PPME1: variants seen among roughly 807,000 people sequenced by gnomAD.
The protein encoded by PPME1 is protein phosphatase methylesterase 1, also known as testicular secretory protein Li 39.
In PPME1, 17 loss-of-function variants were observed where a neutral mutation model predicts 56.9. The observed-to-expected ratio is 0.30, with a 90% CI of 0.20 to 0.45. The LOEUF is 0.45. PPME1 is among the 20% of genes least tolerant of loss of function. The probability of loss-of-function intolerance (pLI) is 1.00; values close to 1 mark genes in which losing one functional copy is unlikely to be tolerated. For synonymous variants in PPME1, 122 were observed against 156.2 expected (o/e 0.78, Z 1.63); for missense variants, 357 against 483.2 (o/e 0.74, Z 2.45).
rs1485360656 is a variant in PPME1, at chr11:74,211,492, AT to A, written c.288+7048del. 3.3e-5 allele frequency among the ~76,000 whole-genome samples: 5 copies of A among 152,204 alleles called. No homozygotes were observed. The East Asian group carries it at 9.6e-4, about 29-fold the overall frequency. On this transcript the variant is annotated intron_variant, in intron 3 of 13. Transcript: ENST00000328257. ...ATACACAATGAAAATAACAATGCAAATGGATTAAACAACACAAATGAATTTA... is the reference window on the plus strand; with the variant it reads ...ATACACAATGAAAATAACAATGCAAAGGATTAAACAACACAAATGAATTTA...
rs75826517 is a variant in PPME1, at chr11:74,215,704, C to T, written c.289-6608C>T. Among the ~76,000 whole-genome samples the T allele has an allele frequency of 3.5e-3, 537 of 152,158 alleles. 5 individuals are homozygous for T. Among genetic ancestry groups the T allele is most frequent in the African/African-American group, 0.012 (506 of 41,510 alleles). ...TAGACTAAACTCGCCAATCAAAAGA[C>T]GTGGAGTGGCTGAATGAATACAAAA... On this transcript the variant is annotated intron_variant, in intron 3 of 13. Transcript: ENST00000328257.
At chr11:74,240,515 A>G (rs1591064815) in intron 9 of PPME1, among the ~76,000 whole-genome samples, 1 of 152,222 alleles carries the variant, frequency 6.6e-6, no homozygotes, top group Non-Finnish European at 1.5e-5. Flanking sequence ...AATGGCAGGT[A>G]ATGAACATGT....
intron 1 of PPME1, among the ~76,000 whole-genome samples, chr11:74,191,511 TG>T (rs778949267): frequency 8.5e-5 from 13 of 152,144 alleles, no homozygotes; most frequent in Non-Finnish European, 1.9e-4. Flanking sequence ...TCTAAGACAA[TG>T]GGGGCAAGGT....
Position 74,191,670 on chromosome 11 carries a change from T to A in PPME1, c.102-12058T>A, listed in dbSNP as rs570792196. 4.6e-5 allele frequency among the ~76,000 whole-genome samples: 7 copies of A among 152,334 alleles called. No individual in the cohort carries two copies. The South Asian group carries it at 8.3e-4, about 18-fold the overall frequency. ...CTGCACCTTGTATCCTGGCTACTCA[T>A]GCTCCAGCCAGGGCTCAAAATGCCC... On this transcript the variant is annotated intron_variant, in intron 1 of 13. Transcript: ENST00000328257.
intron 11 of PPME1, 158 bp from the exon 12 acceptor site, chr11:74,250,796 T>C (rs566712833): frequency 4.8e-6 from 3 of 622,762 alleles, no homozygotes; most frequent in East Asian, 2.8e-5. Context: ...CAATTACTTG[T>C]ATTACCATCC....
At position 74,253,654 on chromosome 11, in the gene PPME1, A is replaced by G; in HGVS notation, c.*144A>G. ...GTAGACGGGCACCCCGAGATGTACC[A>G]ACCTTTTCATGTATTCTGCCAAAAG... is the stretch of plus-strand genomic sequence containing the variant. On this transcript the variant is annotated 3_prime_UTR_variant, in exon 14 of 14. Transcript: ENST00000328257. The G allele has an allele frequency of 1.1e-6, 1 of 880,714 alleles. No individual in the cohort carries two copies. The highest frequency in any genetic ancestry group is 1.8e-6 in the Non-Finnish European group (1 of 542,474). 54.6% of individuals were successfully genotyped at this position (880,714 alleles called of 1,614,324 possible).
intron 1 of PPME1, among the ~76,000 whole-genome samples, chr11:74,196,871 G>A (rs971844071): frequency 3.9e-5 from 6 of 152,160 alleles, no homozygotes; most frequent in African/African-American, 1.2e-4. Flanking sequence ...CCAGATATCA[G>A]GATAGCTGGA....
chr11:74,250,878 C>T (rs913500213), intron 11 of PPME1, 76 bp from the exon 12 acceptor site: 2 of 1,320,802 alleles, frequency 1.5e-6, no homozygotes, highest in African/African-American at 2.9e-5. Flanking sequence ...TCCTGGGCTC[C>T]TGGAATGACC....
intron 2 of PPME1, 128 bp downstream of exon 2, chr11:74,203,949 A>G (rs1858249690): frequency 3.1e-6 from 2 of 645,508 alleles, no homozygotes; most frequent in Non-Finnish European, 2.5e-6. Context: ...CTTGTTCTTT[A>G]TGGAATATTG....
Position 74,251,572 on chromosome 11 carries a change from T to C in PPME1, c.1075-76T>C, listed in dbSNP as rs530079542. ...GAGGGCACCGTAGAGCCTAACCATC[T>C]AACAGTAGCTCACAGCCCAAGGCTA... On this transcript the variant is annotated intron_variant, in intron 12 of 13. Transcript: ENST00000328257. 3.6e-5 allele frequency: 57 copies of C among 1,576,700 alleles called. No individual in the cohort carries two copies. The African/African-American group carries it at 7.0e-4, about 19-fold the overall frequency.
intron 1 of PPME1, among the ~76,000 whole-genome samples, chr11:74,186,815 A>G (rs1857695894): frequency 6.6e-6 from 1 of 152,198 alleles, no homozygotes; most frequent in Non-Finnish European, 1.5e-5. Flanking sequence ...AGGCTCAAGA[A>G]TTCCAGGTAC....
intron 1 of PPME1, among the ~76,000 whole-genome samples, chr11:74,194,913 T>G (rs1857940509): frequency 1.3e-5 from 2 of 152,172 alleles, no homozygotes; most frequent in Non-Finnish European, 2.9e-5. Flanking sequence ...GCAAGAAGAA[T>G]TCCTGAGATG....
At chr11:74,252,387 G>A (rs1000734488) in intron 13 of PPME1, 28 of 453,394 alleles carry the variant, frequency 6.2e-5, no homozygotes, top group African/African-American at 4.0e-4. Flanking sequence ...ACAAGCCACC[G>A]CGCCTGGCCT....
chr11:74,184,047 A>G (rs1199539877), intron 1 of PPME1, among the ~76,000 whole-genome samples: 2 of 152,154 alleles, frequency 1.3e-5, no homozygotes, highest in African/African-American at 2.4e-5. Context: ...CTCGTGCCCT[A>G]TTTATATTCT....
At chr11:74,215,183 A>G (rs926938724) in intron 3 of PPME1, among the ~76,000 whole-genome samples, 22 of 152,108 alleles carry the variant, frequency 1.4e-4, no homozygotes, top group Non-Finnish European at 2.5e-4. Context: ...ACATCTCTAC[A>G]ACAAAAAATT....
intron 1 of PPME1, among the ~76,000 whole-genome samples, chr11:74,172,520 A>G (rs1857288702): frequency 6.6e-6 from 1 of 152,188 alleles, no homozygotes; most frequent in African/African-American, 2.4e-5. Flanking sequence ...TGGGAGTTCG[A>G]GAAATAGTTT....
At chr11:74,239,901 C>G (rs1261988585) in intron 9 of PPME1, among the ~76,000 whole-genome samples, 1 of 151,898 alleles carries the variant, frequency 6.6e-6, no homozygotes, top group Non-Finnish European at 1.5e-5. Flanking sequence ...AGATTTTACC[C>G]TGTCCATCTG....
At chr11:74,241,197 T>C (rs1859349709) in intron 9 of PPME1, among the ~76,000 whole-genome samples, 1 of 152,230 alleles carries the variant, frequency 6.6e-6, no homozygotes, top group African/African-American at 2.4e-5. Context: ...CTCTATAGAT[T>C]TGCCTAATCT....
rs1858672295 is a variant in PPME1, at chr11:74,217,269, C to T, written c.289-5043C>T. On this transcript the variant is annotated intron_variant, in intron 3 of 13. Transcript: ENST00000328257. ...TTACAAAGATTATTCAGGCTGGGCACAGTGGCTCGTGCCTGTAATCCCAGC... is the reference window on the plus strand; with the variant it reads ...TTACAAAGATTATTCAGGCTGGGCATAGTGGCTCGTGCCTGTAATCCCAGC... Among the ~76,000 whole-genome samples, 3 of 152,100 alleles carry T rather than the reference C, an allele frequency of 2.0e-5. No individual in the cohort carries two copies. The South Asian group carries it at 6.2e-4, about 32-fold the overall frequency.
Sources: gnomAD v4.1 joint callset for allele counts (sites outside exome capture counted in the v4.1 genomes callset) on GRCh38, gnomAD v4.1.1 for gene constraint, MANE v1.5 for transcripts, NCBI Gene and HGNC (gene_info 2026-07-23, HGNC 2026-07-21) for gene names.